The following APP variants were observed in gnomAD, a reference collection of about 807,000 sequenced individuals.
APP encodes amyloid-beta precursor protein.
APP carries 31 observed loss-of-function variants against 101.4 expected under a neutral mutation model. The ratio of observed to expected loss-of-function variants is 0.31; its 90% CI spans 0.23 to 0.41. The LOEUF (loss-of-function observed/expected upper bound fraction) is 0.41. Among genes scored for constraint, APP ranks in the 10% least tolerant of loss-of-function variants. The probability of loss-of-function intolerance (pLI) is 1.00; values close to 1 mark genes in which losing one functional copy is unlikely to be tolerated. For synonymous variants in APP, 366 were observed against 364.4 expected, an observed-to-expected ratio of 1.00 and a Z score of -0.05; for missense variants, 839 against 1,003.7, an observed-to-expected ratio of 0.84 and a Z score of 2.22.
At chr21:26,142,545 G>GCTCGTCGGAGT (rs1195399096) in intron 1 of APP, among the ~76,000 whole-genome samples, 1 of 152,156 alleles carries the variant, frequency 6.6e-6, no homozygotes, top group African/African-American at 2.4e-5. Context: ...GAGGTCGGAG[G>GCTCGTCGGAGT]CTCGCCTGAG....
At chr21:26,169,821 G>A (rs2031165580) in intron 1 of APP, among the ~76,000 whole-genome samples, 1 of 152,238 alleles carries the variant, frequency 6.6e-6, no homozygotes, top group South Asian at 2.1e-4. Context: ...GGGACGTCCA[G>A]ACTTGGGGAA....
chr21:25,982,244 A>G, intron 9 of APP, 100 bp downstream of exon 9: 2 of 1,313,936 alleles, frequency 1.5e-6, no homozygotes, highest in Non-Finnish European at 2.2e-6. Flanking sequence ...ACATCTTTAA[A>G]GATCTTGATA....
At chr21:26,055,780 G>C (rs920414197) in intron 3 of APP, among the ~76,000 whole-genome samples, 1 of 152,168 alleles carries the variant, frequency 6.6e-6, no homozygotes. Context: ...AGGTCAAAGA[G>C]TTTAAAAAAT....
At chr21:26,049,437 C>T (rs753176319) in intron 5 of APP, among the ~76,000 whole-genome samples, 6 of 152,002 alleles carry the variant, frequency 3.9e-5, no homozygotes, top group Non-Finnish European at 8.8e-5. Flanking sequence ...GAGAGAGTTA[C>T]GCTGGGAACC....
chr21:25,955,489 T>C (rs1224750256), intron 12 of APP, 138 bp downstream of exon 12: 2 of 1,242,702 alleles, frequency 1.6e-6, no homozygotes, highest in South Asian at 1.3e-5. Flanking sequence ...TTTTAGAATT[T>C]ACCAGAAGTT....
chr21:25,904,077 C>T (rs986456107), intron 15 of APP, among the ~76,000 whole-genome samples: 1 of 152,128 alleles, frequency 6.6e-6, no homozygotes, highest in Admixed American at 6.5e-5. Flanking sequence ...AAGTTAATTC[C>T]CTGTTCTTTG....
At chr21:26,080,523 C>G (rs1465855925) in intron 3 of APP, among the ~76,000 whole-genome samples, 2 of 151,586 alleles carry the variant, frequency 1.3e-5, no homozygotes, top group Admixed American at 6.6e-5. Flanking sequence ...AATCTCAGTA[C>G]TTTGGGAGGC....
At chr21:25,950,926 G>A (rs1233528242) in intron 13 of APP, among the ~76,000 whole-genome samples, 1 of 152,196 alleles carries the variant, frequency 6.6e-6, no homozygotes, top group Non-Finnish European at 1.5e-5. Flanking sequence ...ACTCAGAATA[G>A]AGTGTGTAAA....
intron 6 of APP, among the ~76,000 whole-genome samples, chr21:26,014,754 GATTA>G (rs760757928): frequency 3.9e-4 from 59 of 152,270 alleles, no homozygotes; most frequent in Non-Finnish European, 6.8e-4. Context: ...ACTTCTCCCA[GATTA>G]ATTGTCACCA....
chr21:25,921,480 T>C (rs1389397898), intron 13 of APP, among the ~76,000 whole-genome samples: 1 of 148,204 alleles, frequency 6.7e-6, no homozygotes, highest in Non-Finnish European at 1.5e-5. Context: ...GATAGACCGC[T>C]AGCAAGACTA....
chr21:25,926,274 A>C (rs1445377432), intron 13 of APP, among the ~76,000 whole-genome samples: 1 of 152,224 alleles, frequency 6.6e-6, no homozygotes, highest in East Asian at 1.9e-4. Context: ...TACTGAAGAC[A>C]CTTTTAGCAG....
intron 13 of APP, among the ~76,000 whole-genome samples, chr21:25,912,971 C>G (rs2039158145): frequency 6.6e-6 from 1 of 152,132 alleles, no homozygotes. Context: ...GCACTATTAA[C>G]AATAATATTT....
chr21:25,914,715 G>A (rs1302091539), intron 13 of APP, among the ~76,000 whole-genome samples: 1 of 151,948 alleles, frequency 6.6e-6, no homozygotes, highest in Non-Finnish European at 1.5e-5. Flanking sequence ...CACCACGCCC[G>A]GCTAATTTTT....
Position 25,974,786 on chromosome 21 carries a change from G to A in APP, c.1458+284C>T, listed in dbSNP as rs541927550. On this transcript the variant is annotated intron_variant, in intron 11 of 17. Coordinates refer to ENST00000346798, the MANE Select transcript of APP (RefSeq NM_000484.4). Reference sequence around the variant, plus strand: ...TATGCCATCAATTGTCACCACCTCAGGAATATTAAATCAAGTCAGGGCTTG... The same window carrying A: ...TATGCCATCAATTGTCACCACCTCAAGAATATTAAATCAAGTCAGGGCTTG... Among the ~76,000 whole-genome samples, 29 of 152,196 alleles carry A rather than the reference G, an allele frequency of 1.9e-4. No individual in the cohort carries two copies. In the South Asian group the frequency reaches 5.6e-3, roughly 29 times the overall value.
At chr21:25,964,133 A>G (rs536370634) in intron 11 of APP, among the ~76,000 whole-genome samples, 11 of 152,164 alleles carry the variant, frequency 7.2e-5, no homozygotes, top group Admixed American at 1.3e-4. Context: ...AGTTATCCCA[A>G]TGTTCCTTCC....
rs61188136 is a variant in APP, at chr21:25,928,342, AAAAC to A, written c.1688-16384_1688-16381del. Among the ~76,000 whole-genome samples the A allele has an allele frequency of 3.1e-3, 464 of 149,108 alleles. 1 individual carries two copies. The highest frequency in any genetic ancestry group is 9.0e-3 in the East Asian group (45 of 5,008). ...GGGCGACAGAGCGAGACTCCATCTC[AAAAC>A]AAACAAACAAACAAACAAACAAACA... On this transcript the variant is annotated intron_variant, in intron 13 of 17. Transcript: ENST00000346798.
chr21:26,051,166 G>C lies in APP; in HGVS notation c.496C>G (p.His166Asp). ...CAGGGCAGCAACATGCCGTAGTCAT[G>C]CAAGTTGGTACTCTTCTCACTGCAT... ...ETCSEKSTNL[H>D]DYGMLLPCGI... Residue 166 changes from histidine to aspartate, a missense_variant, in exon 5 of 18, where the codon CAT becomes GAT. His to Asp is a moderately conservative substitution (Grantham distance 81, BLOSUM62 -1). Coordinates refer to ENST00000346798, the MANE Select transcript of APP (RefSeq NM_000484.4). 1.9e-6 allele frequency: 3 copies of C among 1,614,038 alleles called. No homozygotes were observed. The highest frequency in any genetic ancestry group is 2.5e-6 in the Non-Finnish European group (3 of 1,179,960).
chr21:26,159,448 C>A (rs2063445283), intron 1 of APP, among the ~76,000 whole-genome samples: 1 of 152,112 alleles, frequency 6.6e-6, no homozygotes, highest in African/African-American at 2.4e-5. Flanking sequence ...ATCACAAATG[C>A]CCTGAGAAAA....
chr21:25,950,871 T>G (rs1290786916), intron 13 of APP, among the ~76,000 whole-genome samples: 1 of 151,774 alleles, frequency 6.6e-6, no homozygotes, highest in East Asian at 1.9e-4. Context: ...AAATAATGGG[T>G]GAGGGAGAGG....
Sources: gnomAD v4.1 joint callset for allele counts (sites outside exome capture counted in the v4.1 genomes callset) on GRCh38, gnomAD v4.1.1 for gene constraint, MANE v1.5 for transcripts, NCBI Gene and HGNC (gene_info 2026-07-23, HGNC 2026-07-21) for gene names.